ALG5: variants seen among roughly 807,000 people sequenced by gnomAD.
The protein encoded by ALG5 is ALG5 dolichyl-phosphate beta-glucosyltransferase.
ALG5 carries 26 observed loss-of-function variants against 51.8 expected under a neutral mutation model. That is an observed-to-expected ratio of 0.50 (90% CI 0.37 to 0.70). ALG5 has a LOEUF of 0.70. Among genes scored for constraint, ALG5 ranks in the 30% least tolerant of loss-of-function variants. The pLI is 0.00. For synonymous variants in ALG5, 141 were observed against 136.1 expected (o/e 1.04, Z -0.25); for missense variants, 311 against 399.3 (o/e 0.78, Z 1.88).
chr13:36,972,413 A>G (rs1450048520), intron 6 of ALG5, among the ~76,000 whole-genome samples: 1 of 152,284 alleles, frequency 6.6e-6, no homozygotes, highest in African/African-American at 2.4e-5. Flanking sequence ...CAACTGAAAA[A>G]CTACATTAGA....
chr13:36,956,411 G>A (rs2058839917), intron 8 of ALG5, among the ~76,000 whole-genome samples: 1 of 152,196 alleles, frequency 6.6e-6, no homozygotes, highest in African/African-American at 2.4e-5. Context: ...TTATGGGAAA[G>A]TGTATGGAGG....
intron 6 of ALG5, among the ~76,000 whole-genome samples, chr13:36,972,566 A>G (rs984105567): frequency 1.4e-4 from 22 of 152,232 alleles, no homozygotes; most frequent in Admixed American, 2.6e-4. Flanking sequence ...AATAAAGTTT[A>G]TAAGAAAGGT....
chr13:36,972,065 A>C, intron 6 of ALG5, 29 bp from the exon 7 acceptor site: 3 of 1,463,556 alleles, frequency 2.0e-6, no homozygotes, highest in Non-Finnish European at 2.8e-6. Flanking sequence ...ATAGTTTTTC[A>C]ATATTTAAAT....
At chr13:36,972,421 A>G (rs1292175050) in intron 6 of ALG5, among the ~76,000 whole-genome samples, 1 of 152,200 alleles carries the variant, frequency 6.6e-6, no homozygotes, top group Non-Finnish European at 1.5e-5. Context: ...AAACTACATT[A>G]GAAACAAAGA....
intron 6 of ALG5, among the ~76,000 whole-genome samples, chr13:36,975,531 T>C (rs1368257448): frequency 6.6e-6 from 1 of 152,188 alleles, no homozygotes; most frequent in Non-Finnish European, 1.5e-5. Context: ...TTGTAAGGGC[T>C]ATACAATATT....
At chr13:36,970,054 T>C (rs2058914524) in intron 7 of ALG5, among the ~76,000 whole-genome samples, 1 of 149,012 alleles carries the variant, frequency 6.7e-6, no homozygotes, top group Non-Finnish European at 1.5e-5. Flanking sequence ...TATTTTATAA[T>C]TATACATATA....
At chr13:36,977,350 C>T (rs1217316528) in intron 6 of ALG5, among the ~76,000 whole-genome samples, 2 of 152,070 alleles carry the variant, frequency 1.3e-5, no homozygotes, top group Non-Finnish European at 2.9e-5. Flanking sequence ...GTTACTATGA[C>T]AGTTGGCTTT....
At chr13:36,957,851 C>T (rs1168963410) in intron 8 of ALG5, among the ~76,000 whole-genome samples, 1 of 152,132 alleles carries the variant, frequency 6.6e-6, no homozygotes, top group Non-Finnish European at 1.5e-5. Context: ...CTATTCCACC[C>T]TGGAGACATG....
intron 9 of ALG5, among the ~76,000 whole-genome samples, chr13:36,952,103 T>C (rs2138775741): frequency 6.6e-6 from 1 of 152,328 alleles, no homozygotes; most frequent in African/African-American, 2.4e-5. Flanking sequence ...AAATTTTTAT[T>C]TCTTATTTAG....
intron 6 of ALG5, among the ~76,000 whole-genome samples, chr13:36,972,314 A>G (rs970354050): frequency 1.3e-5 from 2 of 152,042 alleles, no homozygotes; most frequent in Non-Finnish European, 2.9e-5. Flanking sequence ...TGAAAATACT[A>G]TATTATTTGA....
chr13:36,955,124 G>C (rs1453249556), intron 8 of ALG5, among the ~76,000 whole-genome samples: 1 of 152,092 alleles, frequency 6.6e-6, no homozygotes, highest in African/African-American at 2.4e-5. Context: ...TTCTCTGTTG[G>C]TTCTGTGAAT....
chr13:36,993,509 T>G (rs2138829252), intron 4 of ALG5, 95 bp downstream of exon 4: 1 of 1,041,006 alleles, frequency 9.6e-7, no homozygotes. Context: ...AGGCACAGCT[T>G]TAGGGTCCCC....
chr13:36,995,270 ACTTCC>A (rs2059043867), intron 2 of ALG5, among the ~76,000 whole-genome samples, 150 bp downstream of exon 2: 1 of 152,100 alleles, frequency 6.6e-6, no homozygotes, highest in Non-Finnish European at 1.5e-5. Context: ...GCAAATATTC[ACTTCC>A]CTCTCTGCCG....
At chr13:36,967,859 G>T in intron 7 of ALG5, 2 of 1,119,226 alleles carry the variant, frequency 1.8e-6, no homozygotes, top group Non-Finnish European at 2.4e-6. Context: ...AAAATTAAAG[G>T]TAGAAAAACA....
At chr13:36,993,131 C>T (rs183483292) in intron 4 of ALG5, among the ~76,000 whole-genome samples, 2 of 152,308 alleles carry the variant, frequency 1.3e-5, no homozygotes, top group Admixed American at 1.3e-4. Flanking sequence ...GGCTTGTGTT[C>T]ATAACTTTCA....
chr13:36,971,747 C>T (rs1357699643), intron 7 of ALG5, among the ~76,000 whole-genome samples: 4 of 151,402 alleles, frequency 2.6e-5, no homozygotes, highest in African/African-American at 9.7e-5. Flanking sequence ...CTGCTTCCAT[C>T]CTAAGGCAAA....
At chr13:36,979,233 G>T (rs987387927) in intron 6 of ALG5, among the ~76,000 whole-genome samples, 16 of 152,190 alleles carry the variant, frequency 1.1e-4, no homozygotes, top group Middle Eastern at 3.4e-3. Context: ...GGCCAGGCTG[G>T]TCTCAAACGC....
intron 6 of ALG5, among the ~76,000 whole-genome samples, chr13:36,983,705 T>C (rs2058989601): frequency 6.6e-6 from 1 of 152,138 alleles, no homozygotes; most frequent in African/African-American, 2.4e-5. Context: ...AGCAATGGTA[T>C]GAATATCTTT....
chr13:36,974,048 G>A (rs988857113), intron 6 of ALG5, among the ~76,000 whole-genome samples: 1 of 152,188 alleles, frequency 6.6e-6, no homozygotes, highest in Non-Finnish European at 1.5e-5. Context: ...AGTATTTGAA[G>A]TAGCAAACCT....
Sources: gnomAD v4.1 joint callset for allele counts (sites outside exome capture counted in the v4.1 genomes callset) on GRCh38, gnomAD v4.1.1 for gene constraint, MANE v1.5 for transcripts, NCBI Gene and HGNC (gene_info 2026-07-23, HGNC 2026-07-21) for gene names.